ITGB3: variants seen among roughly 807,000 people sequenced by gnomAD.
ITGB3 encodes integrin beta-3.
ITGB3 carries 48 observed loss-of-function variants against 85.8 expected under a neutral mutation model. The observed-to-expected ratio is 0.56, with a 90% CI of 0.44 to 0.71. ITGB3 has a LOEUF of 0.71. Ranked by LOEUF, ITGB3 falls within the 30% of genes least tolerant of loss-of-function variation. The pLI, the probability that ITGB3 is intolerant of heterozygous loss-of-function variation, is 0.00. For synonymous variants in ITGB3, 363 were observed against 395.6 expected, an observed-to-expected ratio of 0.92 and a Z score of 0.98; for missense variants, 861 against 1,019.1, an observed-to-expected ratio of 0.84 and a Z score of 2.11.
chr17:47,311,220 T>A lies in ITGB3; in HGVS notation c.*1016T>A, dbSNP rs3809865. 108,321 of 154,644 alleles carry A rather than the reference T, an allele frequency of 0.7. 38,174 individuals are homozygous for A. The highest frequency in any genetic ancestry group is 0.81 in the East Asian group (4,390 of 5,452). 9.6% of individuals were successfully genotyped at this position (154,644 alleles called of 1,614,324 possible). A position where few individuals can be genotyped will look rare whatever the true frequency, so the allele number is the denominator to read the frequency against. On this transcript the variant is annotated 3_prime_UTR_variant, in exon 15 of 15. Transcript: ENST00000559488. ...TAGCACCTCCACATACCTGGCCCTG[T>A]GCCTTGGTGTGCTGTATCCATCCAT...
At chr17:47,297,975 A>G (rs2065151948) in intron 10 of ITGB3, among the ~76,000 whole-genome samples, 1 of 152,192 alleles carries the variant, frequency 6.6e-6, no homozygotes, top group African/African-American at 2.4e-5. Context: ...TTTGGAAAGT[A>G]GATACACATT....
chr17:47,258,477 A>G (rs762404113), intron 1 of ITGB3, among the ~76,000 whole-genome samples: 63 of 152,002 alleles, frequency 4.1e-4, no homozygotes, highest in Admixed American at 4.1e-3. Context: ...ATTTATGTAC[A>G]GTAAAATTCA....
At chr17:47,285,652 G>A (rs767037630) in intron 4 of ITGB3, among the ~76,000 whole-genome samples, 3 of 151,990 alleles carry the variant, frequency 2.0e-5, no homozygotes, top group African/African-American at 4.8e-5. Context: ...TATATGATGT[G>A]GCATTCAACC....
Position 47,313,348 on chromosome 17 carries a change from T to C in ITGB3, c.*3144T>C, listed in dbSNP as rs1289857488. On this transcript the variant is annotated 3_prime_UTR_variant, in exon 15 of 15. Transcript: ENST00000559488. Reference sequence around the variant, plus strand: ...GTATTCCTGGTTGAAATTTCTTTTCTTTTTTTTTTTTTTTTTGAGACAGAG... The same window carrying C: ...GTATTCCTGGTTGAAATTTCTTTTCCTTTTTTTTTTTTTTTTGAGACAGAG... 1.4e-4 allele frequency among the ~76,000 whole-genome samples: 3 copies of C among 22,122 alleles called. No individual in the cohort carries two copies. The East Asian group carries it at 2.2e-3, about 16-fold the overall frequency. The allele number at this position is 22,122 out of a possible 152,430, so 14.5% of individuals were successfully genotyped here.
In ITGB3 at chr17:47,307,588, A is replaced by C; in HGVS notation, c.2252A>C (p.Lys751Thr). ...WKLLITIHDR[K>T]EFAKFEEERA... is the part of the protein sequence containing the mutation. ...CTCCTCATCACCATCCACGACCGAA[A>C]AGAATTCGCTAAATTTGAGGAAGAA... is the stretch of plus-strand genomic sequence containing the variant. The change falls in exon 14 of 15, where the codon AAA becomes ACA. Residue 751 changes from lysine to threonine, a missense_variant. Lys to Thr is a moderately conservative substitution (Grantham distance 78, BLOSUM62 -1). Coordinates refer to ENST00000559488, the MANE Select transcript of ITGB3 (RefSeq NM_000212.3). The C allele has an allele frequency of 6.2e-7, 1 of 1,614,154 alleles. No individual in the cohort carries two copies. Among genetic ancestry groups the C allele is most frequent in the Non-Finnish European group, 8.5e-7 (1 of 1,180,022 alleles).
At chr17:47,290,684 A>G (rs935098969) in intron 8 of ITGB3, among the ~76,000 whole-genome samples, 1 of 152,142 alleles carries the variant, frequency 6.6e-6, no homozygotes, top group African/African-American at 2.4e-5. Flanking sequence ...CTTTTGCAAC[A>G]TCTGTGAGGC....
In ITGB3 at chr17:47,299,217, G is replaced by A. The variant is rs2065156680; in HGVS notation, c.1691-91G>A. ...AACCTGGAGGATCATTATCTGTGTGGTTGGGAGAGCAGGATGGTCGTGTGT... is the reference window on the plus strand; with the variant it reads ...AACCTGGAGGATCATTATCTGTGTGATTGGGAGAGCAGGATGGTCGTGTGT... On this transcript the variant is annotated intron_variant, in intron 10 of 14. Coordinates refer to ENST00000559488, the MANE Select transcript of ITGB3 (RefSeq NM_000212.3). This position sits in a 1 kb window ranked among gnomAD's most constrained non-coding sequence, Gnocchi z 5.1. 8.2e-7 allele frequency: 1 copy of A among 1,222,780 alleles called. No individual in the cohort carries two copies. The highest frequency in any genetic ancestry group is 1.7e-5 in the Admixed American group (1 of 57,508). The allele number at this position is 1,222,780 out of a possible 1,614,324, so 75.7% of individuals were successfully genotyped here.
rs11381846 is a variant in ITGB3, at chr17:47,313,347, C to CTTTTT, written c.*3156_*3160dup. Among the ~76,000 whole-genome samples the CTTTTT allele has an allele frequency of 7.8e-6, 1 of 128,312 alleles. No homozygotes were observed. The highest frequency in any genetic ancestry group is 1.6e-5 in the Non-Finnish European group (1 of 62,344). 84.2% of individuals were successfully genotyped at this position (128,312 alleles called of 152,430 possible). A position where few individuals can be genotyped will look rare whatever the true frequency, so the allele number is the denominator to read the frequency against. On this transcript the variant is annotated 3_prime_UTR_variant, in exon 15 of 15. Transcript: ENST00000559488. ...AGTATTCCTGGTTGAAATTTCTTTT[C>CTTTTT]TTTTTTTTTTTTTTTTTGAGACAGA...
At chr17:47,278,957 C>A (rs1160314158) in intron 2 of ITGB3, among the ~76,000 whole-genome samples, 1 of 152,240 alleles carries the variant, frequency 6.6e-6, no homozygotes, top group Non-Finnish European at 1.5e-5. Flanking sequence ...AGGTTGGGAA[C>A]CTCTGTCCTA....
At chr17:47,264,268 C>G (rs1390906105) in intron 1 of ITGB3, among the ~76,000 whole-genome samples, 1 of 152,098 alleles carries the variant, frequency 6.6e-6, no homozygotes, top group African/African-American at 2.4e-5. Flanking sequence ...AATTTAGGCC[C>G]ACTTAGCCAC....
chr17:47,286,180 G>A, intron 4 of ITGB3, 80 bp from the exon 5 acceptor site: 2 of 1,511,094 alleles, frequency 1.3e-6, no homozygotes, highest in Admixed American at 1.7e-5. Flanking sequence ...ATCTATATTT[G>A]TCCCCTCTCT....
At chr17:47,291,552 G>A (rs1430744964) in intron 9 of ITGB3, 2 of 283,288 alleles carry the variant, frequency 7.1e-6, no homozygotes, top group African/African-American at 4.4e-5. Context: ...AGGGGAGAGG[G>A]GTTGGTGGGA....
chr17:47,274,309 T>G (rs2065055245), intron 1 of ITGB3, 110 bp from the exon 2 acceptor site: 1 of 872,498 alleles, frequency 1.1e-6, no homozygotes, highest in Non-Finnish European at 1.9e-6. Flanking sequence ...TGTGTTTGTG[T>G]GCACCTGAGA....
chr17:47,303,745 G>A (rs16941855), intron 13 of ITGB3: 10,702 of 152,214 alleles, frequency 0.07, 472 homozygotes, highest in East Asian at 0.19. Flanking sequence ...GCTGTCGATC[G>A]CTTGCTTCCC....
rs766423016 is a variant in ITGB3, at chr17:47,310,148, C to T, written c.2311C>T (p.Pro771Ser). 2 of 1,613,830 alleles carry T rather than the reference C, an allele frequency of 1.2e-6. No individual in the cohort carries two copies. The highest frequency in any genetic ancestry group is 1.7e-6 in the Non-Finnish European group (2 of 1,179,912). ...ARAKWDTANNPLYKEATSTFT... is the reference protein window; with the variant it reads ...ARAKWDTANNSLYKEATSTFT... ...TCTGTTTCCTCCACAGGCCAACAAC[C>T]CACTGTATAAAGAGGCCACGTCTAC... Residue 771 changes from proline (P) to serine (S), a missense_variant, in exon 15 of 15, where the codon CCA becomes TCA. Transcript: ENST00000559488.
intron 7 of ITGB3, 50 bp downstream of exon 7, chr17:47,289,826 C>CTGGGGCACCCA: frequency 7.6e-7 from 1 of 1,318,230 alleles, no homozygotes; most frequent in Non-Finnish European, 1.1e-6. Context: ...TGGTGGGTGC[C>CTGGGGCACCCA]CCAGGTAGCC....
At chr17:47,274,389 G>C in intron 1 of ITGB3, 30 bp from the exon 2 acceptor site, 1 of 1,604,436 alleles carries the variant, frequency 6.2e-7, no homozygotes. Context: ...AGCCAAATCT[G>C]GTGCTAATGC....
chr17:47,266,402 G>A (rs117906669), intron 1 of ITGB3, among the ~76,000 whole-genome samples: 1,759 of 152,136 alleles, frequency 0.012, 17 homozygotes, highest in Non-Finnish European at 0.017. Flanking sequence ...CCCCATTGAC[G>A]CATTATGACT....
chr17:47,293,857 C>T (rs1164631027), intron 10 of ITGB3, among the ~76,000 whole-genome samples: 5 of 152,260 alleles, frequency 3.3e-5, no homozygotes, highest in East Asian at 3.9e-4. Context: ...CCTCCCACCT[C>T]GGCCTCCCAA....
Sources: gnomAD v4.1 joint callset for allele counts (sites outside exome capture counted in the v4.1 genomes callset) on GRCh38, gnomAD v4.1.1 for gene constraint, Gnocchi (gnomAD v3.1) non-coding constraint, MANE v1.5 for transcripts, NCBI Gene and HGNC (gene_info 2026-07-23, HGNC 2026-07-21) for gene names.